Variants in CALCR observed in about 807,000 individuals in gnomAD.
CALCR encodes calcitonin receptor.
A neutral mutation model predicts 59.5 loss-of-function variants in CALCR; 47 were observed. The ratio of observed to expected loss-of-function variants is 0.79; its 90% CI spans 0.63 to 1.01. The LOEUF is 1.01. Ranked by LOEUF, CALCR falls within the 50% of genes least tolerant of loss-of-function variation. The pLI, the probability that CALCR is intolerant of heterozygous loss-of-function variation, is 0.00. For missense variants in CALCR, 566 were observed against 597.1 expected, an observed-to-expected ratio of 0.95 and a Z score of 0.54; for synonymous variants, 213 against 211.3, an observed-to-expected ratio of 1.01 and a Z score of -0.07.
chr7:93,524,500 T>C (rs1801836027), intron 2 of CALCR, among the ~76,000 whole-genome samples: 1 of 152,110 alleles, frequency 6.6e-6, no homozygotes. Flanking sequence ...TTTCTGGTTT[T>C]CTTTTCCAAG....
chr7:93,474,350 G>T (rs746622405), intron 5 of CALCR, among the ~76,000 whole-genome samples: 51 of 151,510 alleles, frequency 3.4e-4, no homozygotes, highest in Non-Finnish European at 5.3e-4. Flanking sequence ...AATTTGGCTG[G>T]ATTGTCTAAA....
At chr7:93,434,316 C>T in intron 12 of CALCR, 22 bp from the exon 13 acceptor site, 1 of 1,576,604 alleles carries the variant, frequency 6.3e-7, no homozygotes, top group Non-Finnish European at 8.7e-7. Context: ...AGGAAAAATA[C>T]AGTTGAAGTT....
chr7:93,473,918 A>G (rs946673824), intron 5 of CALCR, among the ~76,000 whole-genome samples: 30 of 151,642 alleles, frequency 2.0e-4, no homozygotes, highest in Admixed American at 1.3e-4. Flanking sequence ...TAGGCAGTGT[A>G]TATGTATCAG....
At position 93,424,635 on chromosome 7, in the gene CALCR, G is replaced by A. The variant is rs144758332; in HGVS notation, c.*1721C>T. 1 of 152,450 alleles carries A rather than the reference G, an allele frequency of 6.6e-6. No individual in the cohort carries two copies. The highest frequency in any genetic ancestry group is 1.5e-5 in the Non-Finnish European group (1 of 67,978). 9.4% of individuals were successfully genotyped at this position (152,450 alleles called of 1,614,324 possible). A position where few individuals can be genotyped will look rare whatever the true frequency, so the allele number is the denominator to read the frequency against. ...AGAACTATGTGCAATTCTATAATAA[G>A]CTATTTTGTTTTCTTCAACCCCTAC... On this transcript the variant is annotated 3_prime_UTR_variant, in exon 14 of 14. Transcript: ENST00000426151.
chr7:93,569,234 A>T (rs1789944214), intron 2 of CALCR, among the ~76,000 whole-genome samples: 1 of 152,038 alleles, frequency 6.6e-6, no homozygotes, highest in Non-Finnish European at 1.5e-5. Context: ...CAAAATGGCA[A>T]ATCTGATTAT....
intron 2 of CALCR, among the ~76,000 whole-genome samples, chr7:93,490,028 G>C (rs1428468717): frequency 6.6e-6 from 1 of 151,826 alleles, no homozygotes. Context: ...CTGGCAAACT[G>C]AATCCAGGAG....
At chr7:93,449,142 T>A (rs1800060204) in intron 8 of CALCR, among the ~76,000 whole-genome samples, 1 of 152,028 alleles carries the variant, frequency 6.6e-6, no homozygotes, top group South Asian at 2.1e-4. Flanking sequence ...AAAACAGAAA[T>A]AAACTTTTCT....
chr7:93,562,448 T>C (rs1297180807), intron 2 of CALCR, among the ~76,000 whole-genome samples: 1 of 152,014 alleles, frequency 6.6e-6, no homozygotes, highest in East Asian at 1.9e-4. Flanking sequence ...CAAAAAACAA[T>C]GAAGACATTA....
intron 2 of CALCR, among the ~76,000 whole-genome samples, chr7:93,489,199 A>G (rs1385498066): frequency 6.6e-6 from 1 of 151,958 alleles, no homozygotes; most frequent in Non-Finnish European, 1.5e-5. Context: ...AGAAATCAAG[A>G]AGTTCTTGGA....
At chr7:93,461,194 G>A (rs969722048) in intron 7 of CALCR, among the ~76,000 whole-genome samples, 18 of 152,148 alleles carry the variant, frequency 1.2e-4, no homozygotes, top group Non-Finnish European at 1.5e-5. Context: ...ATAACTGAAA[G>A]AGTGGGTGAT....
At chr7:93,474,370 G>A (rs891929843) in intron 5 of CALCR, among the ~76,000 whole-genome samples, 5 of 151,560 alleles carry the variant, frequency 3.3e-5, no homozygotes, top group Admixed American at 2.0e-4. Context: ...AAAAAACCTC[G>A]CTTTTGTATT....
intron 7 of CALCR, among the ~76,000 whole-genome samples, chr7:93,465,245 A>G (rs3802049): frequency 0.012 from 1,798 of 152,112 alleles, 125 homozygotes; most frequent in Admixed American, 0.1. Flanking sequence ...ATTGAAATTT[A>G]TGGATAAGTA....
intron 2 of CALCR, among the ~76,000 whole-genome samples, chr7:93,568,881 T>C (rs528614110): frequency 6.6e-6 from 1 of 151,230 alleles, no homozygotes; most frequent in Non-Finnish European, 1.5e-5. Flanking sequence ...AAAGACATTA[T>C]TTTTTTTTCC....
intron 2 of CALCR, among the ~76,000 whole-genome samples, chr7:93,561,199 G>C (rs944224513): frequency 6.6e-6 from 1 of 152,184 alleles, no homozygotes; most frequent in African/African-American, 2.4e-5. Flanking sequence ...TAAGCACTTA[G>C]TAGGTTGCAT....
intron 9 of CALCR, among the ~76,000 whole-genome samples, chr7:93,439,180 C>T (rs894668702): frequency 3.3e-5 from 5 of 152,074 alleles, no homozygotes; most frequent in Non-Finnish European, 7.4e-5. Flanking sequence ...TTTTTATTTT[C>T]TGTGAGTTAT....
chr7:93,547,414 T>G (rs1789319341), intron 2 of CALCR, among the ~76,000 whole-genome samples: 1 of 152,168 alleles, frequency 6.6e-6, no homozygotes, highest in Non-Finnish European at 1.5e-5. Flanking sequence ...CAAATTTACT[T>G]TTTTGTTACT....
intron 8 of CALCR, among the ~76,000 whole-genome samples, chr7:93,448,900 GGCAAAATGAAGA>G (rs1688118478): frequency 6.6e-6 from 1 of 151,934 alleles, no homozygotes; most frequent in Non-Finnish European, 1.5e-5. Context: ...ACAAAACTGA[GGCAAAATGAAGA>G]GCCTGAAGAG....
Position 93,495,895 on chromosome 7 carries a change from G to A in CALCR, c.-26-8888C>T, listed in dbSNP as rs940587507. On this transcript the variant is annotated intron_variant, in intron 2 of 13. Coordinates refer to ENST00000426151, the MANE Select transcript of CALCR (RefSeq NM_001742.4). ...CTATACTGGTTTGTATCCACAAATGGGCACTTGCCACTAATCTTCTCTCCA... is the reference window on the plus strand; with the variant it reads ...CTATACTGGTTTGTATCCACAAATGAGCACTTGCCACTAATCTTCTCTCCA... The A allele has an allele frequency of 1.5e-5, 23 of 1,531,658 alleles. No homozygotes were observed. The African/African-American group carries it at 2.9e-4, about 19-fold the overall frequency. 94.9% of individuals were successfully genotyped at this position (1,531,658 alleles called of 1,614,324 possible).
chr7:93,532,510 C>A lies in CALCR; in HGVS notation c.-27+41779G>T, dbSNP rs559437654. On this transcript the variant is annotated intron_variant, in intron 2 of 13. Coordinates refer to ENST00000426151, the MANE Select transcript of CALCR (RefSeq NM_001742.4). ...GGGAATGTAGTTTATTGACAGGGTT[C>A]TTTACAGATGGATAATAAGAGTAAT... 2.0e-5 allele frequency among the ~76,000 whole-genome samples: 3 copies of A among 151,978 alleles called. No individual in the cohort carries two copies. In the East Asian group the frequency reaches 5.8e-4, roughly 29 times the overall value.
Sources: allele counts gnomAD v4.1 joint callset (sites outside exome capture counted in the v4.1 genomes callset), GRCh38; gene constraint gnomAD v4.1.1; transcripts MANE v1.5; gene names NCBI Gene and HGNC (gene_info 2026-07-23, HGNC 2026-07-21).